The following PHACTR3 variants were observed in gnomAD, a reference collection of about 807,000 sequenced individuals.
PHACTR3 encodes the protein protein phosphatase 1, regulatory subunit 123.
PHACTR3 carries 16 observed loss-of-function variants against 66.8 expected under a neutral mutation model. The ratio of observed to expected loss-of-function variants is 0.24; its 90% CI spans 0.16 to 0.36. PHACTR3 has a LOEUF of 0.36. PHACTR3 is among the 10% of genes least tolerant of loss of function. The probability of loss-of-function intolerance (pLI) is 1.00; values close to 1 mark genes in which losing one functional copy is unlikely to be tolerated. For missense variants in PHACTR3, 647 were observed against 719.9 expected (o/e 0.90, Z 1.16); for synonymous variants, 323 against 292.1 (o/e 1.11, Z -1.08).
chr20:59,743,292 G>A (rs1423490327), intron 2 of PHACTR3, 24 bp downstream of exon 2: 7 of 1,611,888 alleles, frequency 4.3e-6, no homozygotes, highest in Non-Finnish European at 5.1e-6. Flanking sequence ...GACAGGCGCG[G>A]GCAGGCTGTG....
intron 3 of PHACTR3, among the ~76,000 whole-genome samples, chr20:59,749,710 C>T (rs924014644): frequency 2.6e-5 from 4 of 152,086 alleles, no homozygotes; most frequent in Non-Finnish European, 4.4e-5. Context: ...CAAAGGCAGC[C>T]GGAGACAAAA....
chr20:59,664,123 G>A (rs1282111596), intron 1 of PHACTR3, among the ~76,000 whole-genome samples: 1 of 152,136 alleles, frequency 6.6e-6, no homozygotes, highest in Non-Finnish European at 1.5e-5. Context: ...TAGTAGACTG[G>A]GAAAGTGGTG....
At chr20:59,841,627 GC>G (rs1862447668) in intron 11 of PHACTR3, 92 bp downstream of exon 11, 2 of 1,356,004 alleles carry the variant, frequency 1.5e-6, no homozygotes, top group Admixed American at 2.6e-5. Flanking sequence ...GACAATGGGA[GC>G]CCTCAACTAT....
chr20:59,700,204 G>T (rs144737380), intron 1 of PHACTR3, among the ~76,000 whole-genome samples: 6 of 152,314 alleles, frequency 3.9e-5, no homozygotes, highest in Non-Finnish European at 7.3e-5. Flanking sequence ...TCATGGAGAT[G>T]GATGTTGGTC....
chr20:59,746,335 C>T (rs1282497632), intron 2 of PHACTR3, among the ~76,000 whole-genome samples: 1 of 152,250 alleles, frequency 6.6e-6, no homozygotes, highest in Non-Finnish European at 1.5e-5. Flanking sequence ...CACTTCTAGA[C>T]ACTTGCCATC....
chr20:59,808,983 C>G (rs2426845), intron 8 of PHACTR3, among the ~76,000 whole-genome samples: 1 of 152,020 alleles, frequency 6.6e-6, no homozygotes, highest in Non-Finnish European at 1.5e-5. Flanking sequence ...CACCGCCCAA[C>G]GTCCCCTGAG....
chr20:59,666,633 A>C (rs1323452985), intron 1 of PHACTR3, among the ~76,000 whole-genome samples: 1 of 151,754 alleles, frequency 6.6e-6, no homozygotes, highest in African/African-American at 2.4e-5. Context: ...AGAGGAAGAA[A>C]GAGAGAGAGA....
chr20:59,739,123 G>A (rs2146750785), intron 1 of PHACTR3, among the ~76,000 whole-genome samples: 1 of 152,306 alleles, frequency 6.6e-6, no homozygotes, highest in East Asian at 1.9e-4. Context: ...GTGTTCTGCA[G>A]CTGCCCTGGT....
chr20:59,629,885 G>A (rs535242909), intron 1 of PHACTR3, among the ~76,000 whole-genome samples: 2 of 152,288 alleles, frequency 1.3e-5, no homozygotes, highest in African/African-American at 4.8e-5. Context: ...CCAACTCCCC[G>A]TGATGGCATT....
At chr20:59,789,519 G>T (rs191157818) in intron 7 of PHACTR3, among the ~76,000 whole-genome samples, 2 of 152,290 alleles carry the variant, frequency 1.3e-5, no homozygotes, top group East Asian at 3.9e-4. Flanking sequence ...GGAGTAAGGG[G>T]CATACCTTAA....
chr20:59,760,956 C>G (rs816254), intron 4 of PHACTR3, among the ~76,000 whole-genome samples: 90,794 of 151,928 alleles, frequency 0.6, 29,078 homozygotes, highest in Non-Finnish European at 0.71. Context: ...GGTTAAGTCA[C>G]TTTCCCAGGC....
At chr20:59,801,845 T>C (rs369300603) in intron 7 of PHACTR3, among the ~76,000 whole-genome samples, 9 of 152,228 alleles carry the variant, frequency 5.9e-5, no homozygotes, top group African/African-American at 2.2e-4. Flanking sequence ...ACACACATAA[T>C]GTGCTTGAGA....
At chr20:59,751,911 T>C (rs771089299) in intron 3 of PHACTR3, among the ~76,000 whole-genome samples, 1 of 152,124 alleles carries the variant, frequency 6.6e-6, no homozygotes, top group Non-Finnish European at 1.5e-5. Context: ...CCAGCCCCCT[T>C]GCCCTGGTCC....
chr20:59,626,849 T>G (rs1464235963), intron 1 of PHACTR3: 3 of 152,262 alleles, frequency 2.0e-5, no homozygotes, highest in Non-Finnish European at 2.9e-5. Context: ...TTGGACCAGC[T>G]CTGCCTTGGT....
intron 1 of PHACTR3, among the ~76,000 whole-genome samples, chr20:59,696,937 C>A (rs1461021202): frequency 6.6e-6 from 1 of 152,184 alleles, no homozygotes; most frequent in East Asian, 1.9e-4. Context: ...GGGATGGAGA[C>A]TGAATCTATT....
Position 59,604,844 on chromosome 20 carries a change from G to A in PHACTR3, c.-171G>A, listed in dbSNP as rs1168209343. On this transcript the variant is annotated 5_prime_UTR_variant, in exon 1 of 13. Transcript: ENST00000371015. ...GTCTCCCCGCCCTGAAGCCAGCCCC[G>A]GCGTCTTTCTCCAGCTCGTTTCCTT... is the stretch of plus-strand genomic sequence containing the variant. 6 of 1,210,942 alleles carry A rather than the reference G, an allele frequency of 5.0e-6. No homozygotes were observed. Among genetic ancestry groups the A allele is most frequent in the East Asian group, 3.3e-5 (1 of 30,556 alleles). 75.0% of individuals were successfully genotyped at this position (1,210,942 alleles called of 1,614,324 possible). A position where few individuals can be genotyped will look rare whatever the true frequency, so the allele number is the denominator to read the frequency against.
At chr20:59,623,919 C>T (rs542568654) in intron 1 of PHACTR3, among the ~76,000 whole-genome samples, 27 of 152,294 alleles carry the variant, frequency 1.8e-4, no homozygotes, top group African/African-American at 6.0e-4. Context: ...ATCTGGGACT[C>T]GGAAAGGTCA....
chr20:59,799,425 G>A (rs13433176), intron 7 of PHACTR3, among the ~76,000 whole-genome samples: 12,355 of 152,070 alleles, frequency 0.081, 1,316 homozygotes, highest in African/African-American at 0.25. Flanking sequence ...CCTCAATTCT[G>A]TCACTTTTTG....
intron 3 of PHACTR3, among the ~76,000 whole-genome samples, chr20:59,754,005 G>C (rs187889626): frequency 2.0e-5 from 3 of 152,230 alleles, no homozygotes; most frequent in Admixed American, 2.0e-4. Context: ...TGGCTGTGTC[G>C]ACATGTGCAG....
Sources: allele counts gnomAD v4.1 joint callset (sites outside exome capture counted in the v4.1 genomes callset), GRCh38; gene constraint gnomAD v4.1.1; transcripts MANE v1.5; gene names NCBI Gene and HGNC (gene_info 2026-07-23, HGNC 2026-07-21).